SYT3: variants seen among roughly 807,000 people sequenced by gnomAD.
SYT3 encodes synaptotagmin 3.
In SYT3, 25 loss-of-function variants were observed where a neutral mutation model predicts 50.6. The observed-to-expected ratio is 0.49, with a 90% CI of 0.36 to 0.69. SYT3 has a LOEUF of 0.69. SYT3 is among the 30% of genes least tolerant of loss of function. The pLI is 0.00. For synonymous variants in SYT3, 323 were observed against 353.9 expected, an observed-to-expected ratio of 0.91 and a Z score of 0.98; for missense variants, 589 against 793.6, an observed-to-expected ratio of 0.74 and a Z score of 3.10.
At chr19:50,634,009 G>A (rs576015762) in intron 3 of SYT3, among the ~76,000 whole-genome samples, 2 of 152,282 alleles carry the variant, frequency 1.3e-5, no homozygotes, top group African/African-American at 4.8e-5. Flanking sequence ...AAATCCTATT[G>A]CTGCCACTAT....
chr19:50,627,391 C>A (rs1192247179), intron 6 of SYT3, among the ~76,000 whole-genome samples: 1 of 152,084 alleles, frequency 6.6e-6, no homozygotes, highest in Non-Finnish European at 1.5e-5. Context: ...TGCCTGGGGT[C>A]CCCAGGCCCT....
At chr19:50,655,720 A>T in the SYT3 span, among the ~76,000 whole-genome samples, 2 of 152,098 alleles carry the variant, frequency 1.3e-5, no homozygotes, top group Admixed American at 6.5e-5. Context: ...CACAGTGAAG[A>T]AGTAAGCCTG....
chr19:50,648,408 A>T, the SYT3 span, among the ~76,000 whole-genome samples: 1 of 152,106 alleles, frequency 6.6e-6, no homozygotes, highest in Non-Finnish European at 1.5e-5. Flanking sequence ...GAGAAAGAGG[A>T]AGAGAAAGAG....
Position 50,632,710 on chromosome 19 carries a change from G to A in SYT3, c.250C>T (p.Arg84Trp), listed in dbSNP as rs185774466. ...CCCACTGCCGAGCCTCCCTTGTCCCGCCAGGGCACCCAGCACAACTTCCAG... is the reference window on the plus strand; with the variant it reads ...CCCACTGCCGAGCCTCCCTTGTCCCACCAGGGCACCCAGCACAACTTCCAG... ...VSWKLCWVPW[R>W]DKGGSAVGGG... Residue 84 changes from arginine (R) to tryptophan (W), a missense_variant, in exon 4 of 11, where the codon CGG (arginine) becomes TGG (tryptophan). Arg to Trp is a moderately radical substitution (Grantham distance 101, BLOSUM62 -3). Coordinates refer to ENST00000600079, the MANE Select transcript of SYT3 (RefSeq NM_001160329.2). The surrounding 1 kb of genome is among the most constrained non-coding windows in gnomAD (Gnocchi z 4.7). 3.8e-6 allele frequency: 6 copies of A among 1,588,242 alleles called. No individual in the cohort carries two copies. Among genetic ancestry groups the A allele is most frequent in the Non-Finnish European group, 5.1e-6 (6 of 1,168,134 alleles).
At chr19:50,649,427 C>A in the SYT3 span, 1 of 1,536,124 alleles carries the variant, frequency 6.5e-7, no homozygotes, top group Non-Finnish European at 8.7e-7. Flanking sequence ...TGAGACATCC[C>A]TCACCCACCT....
chr19:50,646,716 G>C, the SYT3 span, among the ~76,000 whole-genome samples: 2 of 152,108 alleles, frequency 1.3e-5, no homozygotes, highest in African/African-American at 4.8e-5. Context: ...GAGGGCATTT[G>C]GGGACATGGG....
At chr19:50,646,266 C>T in the SYT3 span, among the ~76,000 whole-genome samples, 46 of 152,300 alleles carry the variant, frequency 3.0e-4, no homozygotes, top group African/African-American at 1.0e-3. Context: ...AGACGAGGCT[C>T]AGAGAGGGGA....
chr19:50,646,989 C>T, the SYT3 span, among the ~76,000 whole-genome samples: 3 of 151,990 alleles, frequency 2.0e-5, no homozygotes, highest in African/African-American at 7.2e-5. Flanking sequence ...CGCCACCACA[C>T]CCGGCTAATT....
At chr19:50,626,051 C>T (rs2122999565) in intron 6 of SYT3, 34 bp from the exon 7 acceptor site, 1 of 1,605,676 alleles carries the variant, frequency 6.2e-7, no homozygotes, top group African/African-American at 1.3e-5. Context: ...GATATCTTGC[C>T]TCAGCCCCTC....
the SYT3 span, among the ~76,000 whole-genome samples, chr19:50,651,544 G>A: frequency 6.6e-6 from 1 of 152,132 alleles, no homozygotes; most frequent in Non-Finnish European, 1.5e-5. Flanking sequence ...CATCCTCCAA[G>A]GCACACAGGG....
upstream of SYT3, among the ~76,000 whole-genome samples, chr19:50,640,815 C>T (rs923508934): frequency 1.3e-5 from 2 of 152,180 alleles, no homozygotes; most frequent in African/African-American, 2.4e-5. Flanking sequence ...GTGCTGCATG[C>T]GGGCCTCAGG....
intron 4 of SYT3, among the ~76,000 whole-genome samples, 196 bp from the exon 5 acceptor site, chr19:50,630,367 G>A (rs550532725): frequency 1.3e-5 from 2 of 152,040 alleles, no homozygotes; most frequent in South Asian, 2.1e-4. Context: ...TTGGTATCTG[G>A]GGGGCATTCC....
rs12985643 is a variant in SYT3, at chr19:50,625,786, A to C, written c.1402+111T>G. The stretch of plus-strand genomic sequence containing the variant: ...TCCTCCCTCAGACCCAGGAGTCCAG[A>C]TCCCCAGCTCCTCCTCCCTCAGACC... On this transcript the variant is annotated intron_variant, in intron 7 of 10. Transcript: ENST00000600079. The surrounding 1 kb of genome is among the most constrained non-coding windows in gnomAD (Gnocchi z 7.5). The C allele has an allele frequency of 3.0e-4, 47 of 158,622 alleles. 16 individuals are homozygous for C. Among genetic ancestry groups the C allele is most frequent in the Admixed American group, 5.6e-4 (3 of 5,358 alleles). The allele number at this position is 158,622 out of a possible 1,614,324, so 9.8% of individuals were successfully genotyped here. A position where few individuals can be genotyped will look rare whatever the true frequency, so the allele number is the denominator to read the frequency against.
At chr19:50,655,814 G>A in the SYT3 span, among the ~76,000 whole-genome samples, 1 of 152,208 alleles carries the variant, frequency 6.6e-6, no homozygotes, top group African/African-American at 2.4e-5. Flanking sequence ...CCCCTGTTAG[G>A]CAGAGCCTAA....
At chr19:50,627,771 A>C (rs532762525) in intron 6 of SYT3, among the ~76,000 whole-genome samples, 2 of 151,754 alleles carry the variant, frequency 1.3e-5, no homozygotes, top group Admixed American at 1.3e-4. Context: ...GTATGAATCA[A>C]TGGAATGAGT....
At chr19:50,633,475 A>G (rs546014090) in intron 3 of SYT3, among the ~76,000 whole-genome samples, 1 of 152,304 alleles carries the variant, frequency 6.6e-6, no homozygotes, top group Admixed American at 6.5e-5. Context: ...AGGTAGCACC[A>G]AGGTCCTCCA....
intron 6 of SYT3, among the ~76,000 whole-genome samples, chr19:50,628,296 C>G (rs1164863358): frequency 2.6e-5 from 4 of 151,622 alleles, no homozygotes; most frequent in Non-Finnish European, 5.9e-5. Flanking sequence ...GACACACACA[C>G]AAGAAGTACC....
At chr19:50,631,311 C>A (rs1334201236) in intron 4 of SYT3, among the ~76,000 whole-genome samples, 1 of 151,804 alleles carries the variant, frequency 6.6e-6, no homozygotes, top group African/African-American at 2.4e-5. Flanking sequence ...CAACCATGCC[C>A]GGCTATTTTT....
At chr19:50,630,371 G>C (rs1468743758) in intron 4 of SYT3, among the ~76,000 whole-genome samples, 200 bp from the exon 5 acceptor site, 2 of 151,882 alleles carry the variant, frequency 1.3e-5, no homozygotes, top group African/African-American at 4.8e-5. Flanking sequence ...TATCTGGGGG[G>C]CATTCCTTCT....
Sources: allele counts gnomAD v4.1 joint callset (sites outside exome capture counted in the v4.1 genomes callset), GRCh38; gene constraint gnomAD v4.1.1; non-coding constraint Gnocchi (gnomAD v3.1); transcripts MANE v1.5; gene names NCBI Gene and HGNC (gene_info 2026-07-23, HGNC 2026-07-21).